Variants in COG8 observed in about 807,000 individuals in gnomAD.
The protein encoded by COG8 is conserved oligomeric Golgi complex subunit 8.
In COG8, 45 loss-of-function variants were observed where a neutral mutation model predicts 46.5. The ratio of observed to expected loss-of-function variants is 0.97; its 90% CI spans 0.76 to 1.24. The LOEUF (loss-of-function observed/expected upper bound fraction) is 1.24. Ranked by LOEUF, COG8 falls within the 50% of genes most tolerant of loss-of-function variation. The pLI, the probability that COG8 is intolerant of heterozygous loss-of-function variation, is 0.00. For synonymous variants in COG8, 407 were observed against 347.8 expected (o/e 1.17, Z -1.90); for missense variants, 793 against 820.8 (o/e 0.97, Z 0.41).
chr16:69,329,974 G>T, intron 5 of COG8: 1 of 1,513,612 alleles, frequency 6.6e-7, no homozygotes, highest in Non-Finnish European at 8.8e-7. Flanking sequence ...TGCTCCAGCA[G>T]CCCCGGTCCC....
intron 1 of COG8, among the ~76,000 whole-genome samples, chr16:69,337,333 C>A (rs1474733195): frequency 1.4e-5 from 2 of 147,918 alleles, no homozygotes; most frequent in Non-Finnish European, 3.0e-5. Flanking sequence ...GGTGTAAGAA[C>A]TAAATGAGAT....
At chr16:69,336,333 G>A (rs1186621693) in intron 2 of COG8, among the ~76,000 whole-genome samples, 172 bp downstream of exon 2, 2 of 152,174 alleles carry the variant, frequency 1.3e-5, no homozygotes, top group Non-Finnish European at 2.9e-5. Context: ...GCAGTGCTTG[G>A]CACATGATTA....
chr16:69,332,024 T>C (rs2011893804), intron 4 of COG8, among the ~76,000 whole-genome samples: 2 of 152,074 alleles, frequency 1.3e-5, no homozygotes, highest in South Asian at 4.1e-4. Flanking sequence ...GCCCCTCTCC[T>C]ACCACAAAGG....
chr16:69,330,798 G>C lies in COG8; in HGVS notation c.*26+15C>G. Reference sequence around the variant, plus strand: ...GAGGCAGTCCTGGCCACCCCGCGCCGGGAACCTCACGCACCGCGTTCTGGA... The same window carrying C: ...GAGGCAGTCCTGGCCACCCCGCGCCCGGAACCTCACGCACCGCGTTCTGGA... On this transcript the variant is annotated intron_variant, in intron 5 of 5. Transcript: ENST00000306875. The C allele has an allele frequency of 6.6e-7, 1 of 1,516,322 alleles. No individual in the cohort carries two copies. 93.9% of individuals were successfully genotyped at this position (1,516,322 alleles called of 1,614,324 possible).
chr16:69,330,444 C>G, intron 5 of COG8: 2 of 1,474,258 alleles, frequency 1.4e-6, no homozygotes, highest in Non-Finnish European at 8.9e-7. Flanking sequence ...CGCCGCAGCG[C>G]CGGGCCCTCG....
At chr16:69,329,417 G>A (rs375384385) in intron 5 of COG8, among the ~76,000 whole-genome samples, 1 of 152,212 alleles carries the variant, frequency 6.6e-6, no homozygotes, top group Non-Finnish European at 1.5e-5. Context: ...GTAGAGCTGA[G>A]ATGAGAAATC....
Position 69,339,414 on chromosome 16 carries a change from C to A in COG8, c.139G>T (p.Gly47Cys). The A allele has an allele frequency of 6.3e-7, 1 of 1,582,348 alleles. No homozygotes were observed. The highest frequency in any genetic ancestry group is 8.6e-7 in the Non-Finnish European group (1 of 1,169,438). The part of the protein sequence containing the change: ...EAQWRERPDV[G>C]RYLRELSGSG... Reference sequence around the variant, plus strand: ...CCGCTCAACTCCCGGAGGTAGCGGCCCACATCGGGCCGCTCGCGCCACTGG... The same window carrying A: ...CCGCTCAACTCCCGGAGGTAGCGGCACACATCGGGCCGCTCGCGCCACTGG... Residue 47 changes from glycine to cysteine, a missense_variant, in exon 1 of 6, where the codon GGC becomes TGC. By Grantham distance (159) the Gly-to-Cys change is radical. Coordinates refer to ENST00000306875, the MANE Select transcript of COG8 (RefSeq NM_032382.5).
intron 5 of COG8, chr16:69,330,013 C>T (rs2011650156): frequency 1.3e-6 from 2 of 1,539,854 alleles, no homozygotes; most frequent in Non-Finnish European, 1.7e-6. Context: ...TCTGCACCGC[C>T]TGGAAGCGGG....
chr16:69,328,885 C>T lies in COG8; in HGVS notation c.*321G>A. 9.0e-7 allele frequency: 1 copy of T among 1,111,806 alleles called. No individual in the cohort carries two copies. The highest frequency in any genetic ancestry group is 1.6e-5 in the South Asian group (1 of 63,804). The allele number at this position is 1,111,806 out of a possible 1,614,324, so 68.9% of individuals were successfully genotyped here. ...ACATTTCTGACATCTTCCTCCAGCTCAGTCTGCCATGCCTTGGCAATCCAG... is the reference window on the plus strand; with the variant it reads ...ACATTTCTGACATCTTCCTCCAGCTTAGTCTGCCATGCCTTGGCAATCCAG... On this transcript the variant is annotated 3_prime_UTR_variant, in exon 6 of 6. Coordinates refer to ENST00000306875, the MANE Select transcript of COG8 (RefSeq NM_032382.5).
Position 69,329,131 on chromosome 16 carries a change from G to GC in COG8, c.*74dup, listed in dbSNP as rs780885327. ...CATCTCGTGCTGGATGATGCGGGCT[G>GC]CCCACCCGCTCGCCTGCCACACCAC... On this transcript the variant is annotated 3_prime_UTR_variant, in exon 6 of 6. Transcript: ENST00000306875. 1.2e-5 allele frequency: 20 copies of GC among 1,608,508 alleles called. No homozygotes were observed. The highest frequency in any genetic ancestry group is 1.7e-5 in the Non-Finnish European group (20 of 1,178,898).
At position 69,331,036 on chromosome 16, in the gene COG8, T is replaced by G; in HGVS notation, c.1642A>C (p.Ile548Leu). ...GNLGHVNIGAIQEPLAFILPK... is the reference protein window; with the variant it reads ...GNLGHVNIGALQEPLAFILPK... ...AGGATAAAGGCGAGGGGCTCCTGAATGGCGCCGATGTTCACATGCCCTAGG... is the reference window on the plus strand; with the variant it reads ...AGGATAAAGGCGAGGGGCTCCTGAAGGGCGCCGATGTTCACATGCCCTAGG... Residue 548 changes from isoleucine to leucine, a missense_variant, in exon 5 of 6, where the codon ATT becomes CTT. Ile to Leu is a conservative substitution (Grantham distance 5, BLOSUM62 2). Transcript: ENST00000306875. 6.2e-7 allele frequency: 1 copy of G among 1,613,838 alleles called. No homozygotes were observed. The highest frequency in any genetic ancestry group is 8.5e-7 in the Non-Finnish European group (1 of 1,179,944).
At chr16:69,332,964 T>G (rs2011979247) in intron 3 of COG8, 82 bp from the exon 4 acceptor site, 8 of 1,311,082 alleles carry the variant, frequency 6.1e-6, no homozygotes, top group Non-Finnish European at 8.8e-6. Context: ...CAAAAAAATG[T>G]ATGCCCCTCC....
intron 5 of COG8, among the ~76,000 whole-genome samples, chr16:69,329,735 A>C: frequency 6.6e-6 from 1 of 152,328 alleles, no homozygotes; most frequent in East Asian, 1.9e-4. Context: ...TGTTTGCCTC[A>C]GAGAGCAAGG....
chr16:69,331,180 G>T (rs924178127), intron 4 of COG8, 85 bp from the exon 5 acceptor site: 7 of 1,472,100 alleles, frequency 4.8e-6, no homozygotes, highest in Middle Eastern at 3.6e-4. Flanking sequence ...GGGCGCGGTG[G>T]CTCACGCCTG....
chr16:69,329,248 C>A, intron 5 of COG8, 69 bp from the exon 6 acceptor site: 1 of 1,444,926 alleles, frequency 6.9e-7, no homozygotes, highest in Admixed American at 2.8e-5. Flanking sequence ...CTCCCTACCC[C>A]TGCCCCCGGT....
Position 69,329,112 on chromosome 16 carries a change from G to T in COG8, c.*94C>A. ...GGCAGCCCTGCAGGTGGTCCATCTC[G>T]TGCTGGATGATGCGGGCTGCCCACC... is the stretch of plus-strand genomic sequence containing the variant. On this transcript the variant is annotated 3_prime_UTR_variant, in exon 6 of 6. Transcript: ENST00000306875. 6.2e-7 allele frequency: 1 copy of T among 1,611,076 alleles called. No homozygotes were observed. The highest frequency in any genetic ancestry group is 8.5e-7 in the Non-Finnish European group (1 of 1,179,414).
At position 69,335,815 on chromosome 16, in the gene COG8, CAAAAAAAAAAAA is replaced by C. The variant is rs1189310846; in HGVS notation, c.586-479_586-468del. Among the ~76,000 whole-genome samples, 651 of 88,762 alleles carry C rather than the reference CAAAAAAAAAAAA, an allele frequency of 7.3e-3. 7 individuals are homozygous for C. The highest frequency in any genetic ancestry group is 0.026 in the African/African-American group (619 of 23,930). The allele number at this position is 88,762 out of a possible 152,430, so 58.2% of individuals were successfully genotyped here. A position where few individuals can be genotyped will look rare whatever the true frequency, so the allele number is the denominator to read the frequency against. On this transcript the variant is annotated intron_variant, in intron 2 of 5. Transcript: ENST00000306875. ...TGGGGGACAGAGCGAGACTCTGTCT[CAAAAAAAAAAAA>C]GAAAAAAAAAAAAGCTTAAAATCCT...
In COG8 at chr16:69,332,602, C is replaced by A. The variant is rs776911194; in HGVS notation, c.1582+112G>T. Reference sequence around the variant, plus strand: ...ATCTTTTTGGAGTGATGGAAATATTCTAAAATTGGATTCATATTTACTAAA... The same window carrying A: ...ATCTTTTTGGAGTGATGGAAATATTATAAAATTGGATTCATATTTACTAAA... On this transcript the variant is annotated intron_variant, in intron 4 of 5. Coordinates refer to ENST00000306875, the MANE Select transcript of COG8 (RefSeq NM_032382.5). The A allele has an allele frequency of 2.2e-4, 229 of 1,055,108 alleles. 2 individuals are homozygous for A. The highest frequency in any genetic ancestry group is 2.9e-4 in the Non-Finnish European group (197 of 681,272). 65.4% of individuals were successfully genotyped at this position (1,055,108 alleles called of 1,614,324 possible). A position where few individuals can be genotyped will look rare whatever the true frequency, so the allele number is the denominator to read the frequency against.
chr16:69,336,441 C>T, intron 2 of COG8, 64 bp downstream of exon 2: 2 of 1,517,738 alleles, frequency 1.3e-6, no homozygotes, highest in Non-Finnish European at 1.8e-6. Context: ...AAGCTTCAGT[C>T]CTGACCACAG....
Sources: gnomAD v4.1 joint callset for allele counts (sites outside exome capture counted in the v4.1 genomes callset) on GRCh38, gnomAD v4.1.1 for gene constraint, MANE v1.5 for transcripts, NCBI Gene and HGNC (gene_info 2026-07-23, HGNC 2026-07-21) for gene names.